Variants in DOP1B observed in about 807,000 individuals in gnomAD.
DOP1B encodes the protein DOP1 leucine zipper like protein B.
A neutral mutation model predicts 233.5 loss-of-function variants in DOP1B; 174 were observed. The observed-to-expected ratio is 0.75, with a 90% CI of 0.66 to 0.85. The LOEUF is 0.85. Among genes scored for constraint, DOP1B ranks in the 40% least tolerant of loss-of-function variants. The pLI is 0.00. For synonymous variants in DOP1B, 1,190 were observed against 1,185.6 expected, an observed-to-expected ratio of 1.00 and a Z score of -0.08; for missense variants, 2,652 against 2,846.6, an observed-to-expected ratio of 0.93 and a Z score of 1.56.
Position 36,164,853 on chromosome 21 carries a change from A to G in DOP1B, c.120A>G (p.Ser40=). 1 of 1,610,418 alleles carries G rather than the reference A, an allele frequency of 6.2e-7. No homozygotes were observed. The highest frequency in any genetic ancestry group is 8.5e-7 in the Non-Finnish European group (1 of 1,178,464). ...SSSEWADLIS[S]LGKLNKALQS... is the part of the protein sequence containing the mutation. Reference sequence around the variant, plus strand: ...GTGAATGGGCGGATCTCATATCTTCACTTGGCAAACTCAACAAGGTATGTA... The same window carrying G: ...GTGAATGGGCGGATCTCATATCTTCGCTTGGCAAACTCAACAAGGTATGTA... The change falls in exon 2 of 37, where the codon TCA becomes TCG. Residue 40 remains serine (S), a synonymous_variant. Transcript: ENST00000691173.
intron 5 of DOP1B, among the ~76,000 whole-genome samples, chr21:36,210,884 A>G (rs1159267997): frequency 6.6e-6 from 1 of 152,202 alleles, no homozygotes; most frequent in African/African-American, 2.4e-5. Flanking sequence ...AGAGCATTCT[A>G]ACCATCTGCT....
intron 26 of DOP1B, among the ~76,000 whole-genome samples, chr21:36,265,583 G>A (rs1569060755): frequency 6.6e-6 from 1 of 152,156 alleles, no homozygotes; most frequent in Non-Finnish European, 1.5e-5. Flanking sequence ...GCCTGTAGCA[G>A]GCCCCTCTGT....
At chr21:36,282,637 A>C (rs2067430400) in intron 32 of DOP1B, among the ~76,000 whole-genome samples, 1 of 152,054 alleles carries the variant, frequency 6.6e-6, no homozygotes, top group South Asian at 2.1e-4. Flanking sequence ...TTTTTCCTTA[A>C]CAATTTTTTT....
intron 12 of DOP1B, among the ~76,000 whole-genome samples, chr21:36,226,357 G>T (rs780926769): frequency 7.3e-5 from 11 of 151,668 alleles, no homozygotes; most frequent in Non-Finnish European, 1.5e-4. Flanking sequence ...GAGTGCAATG[G>T]TGTGATCTCG....
chr21:36,165,856 A>G (rs1452805872), intron 2 of DOP1B, among the ~76,000 whole-genome samples: 1 of 151,358 alleles, frequency 6.6e-6, no homozygotes, highest in African/African-American at 2.4e-5. Flanking sequence ...AGTTGGGATT[A>G]CAGGCACGTG....
rs3029062 is a variant in DOP1B, at chr21:36,267,625, CT to C, written c.5488-2370del. Among the ~76,000 whole-genome samples, 815 of 116,912 alleles carry C rather than the reference CT, an allele frequency of 7.0e-3. 15 individuals are homozygous for C. Among genetic ancestry groups the C allele is most frequent in the African/African-American group, 0.023 (661 of 28,890 alleles). 76.7% of individuals were successfully genotyped at this position (116,912 alleles called of 152,430 possible). ...CCAGGAGGTCGAGGCTGCAGTGAGA[CT>C]TTTTTTTTTTTTTTTTTGAGATGGA... On this transcript the variant is annotated intron_variant, in intron 26 of 36. Coordinates refer to ENST00000691173, the MANE Select transcript of DOP1B (RefSeq NM_001320714.2).
chr21:36,257,472 A>T (rs543492031), intron 23 of DOP1B, among the ~76,000 whole-genome samples: 1 of 152,216 alleles, frequency 6.6e-6, no homozygotes, highest in South Asian at 2.1e-4. Context: ...CCTCTCCAGA[A>T]TGAGGGTCTT....
At chr21:36,280,392 A>T in intron 31 of DOP1B, 46 bp downstream of exon 31, 3 of 1,374,398 alleles carry the variant, frequency 2.2e-6, no homozygotes, top group Non-Finnish European at 3.1e-6. Flanking sequence ...GATAGGATCA[A>T]TGCCAATATA....
intron 2 of DOP1B, among the ~76,000 whole-genome samples, chr21:36,187,228 T>TA (rs2066175320): frequency 1.8e-5 from 2 of 112,932 alleles, no homozygotes; most frequent in South Asian, 6.0e-4. Context: ...TCCCCTCCCT[T>TA]CCCGGGGGAG....
chr21:36,161,923 G>A (rs757269037), intron 1 of DOP1B, among the ~76,000 whole-genome samples: 3 of 152,264 alleles, frequency 2.0e-5, no homozygotes, highest in South Asian at 2.1e-4. Flanking sequence ...TCCAAGTTGC[G>A]GCGTATCAGT....
At chr21:36,247,461 C>T (rs2066980609) in intron 19 of DOP1B, 56 bp from the exon 20 acceptor site, 1 of 1,318,874 alleles carries the variant, frequency 7.6e-7, no homozygotes, top group Non-Finnish European at 1.1e-6. Context: ...ATTAGAAACC[C>T]TTATGGCCTC....
intron 2 of DOP1B, chr21:36,169,889 C>T: frequency 1.3e-6 from 1 of 795,468 alleles, no homozygotes; most frequent in Non-Finnish European, 2.3e-6. Context: ...GTCCGGAGGC[C>T]TCAAGGGGTT....
intron 2 of DOP1B, among the ~76,000 whole-genome samples, chr21:36,188,408 A>C: frequency 6.6e-6 from 1 of 152,212 alleles, no homozygotes; most frequent in East Asian, 1.9e-4. Context: ...CTGGCAAAGC[A>C]ACCGGGTCAT....
intron 2 of DOP1B, among the ~76,000 whole-genome samples, chr21:36,192,932 C>T (rs1048310616): frequency 2.0e-5 from 3 of 151,546 alleles, no homozygotes; most frequent in Admixed American, 1.3e-4. Flanking sequence ...CTCTGATCTG[C>T]CCACCTTGGC....
intron 23 of DOP1B, 55 bp downstream of exon 23, chr21:36,253,964 C>A: frequency 6.3e-7 from 1 of 1,582,630 alleles, no homozygotes; most frequent in South Asian, 1.1e-5. Flanking sequence ...TGGCATTTGT[C>A]ATAACTCTAC....
In DOP1B at chr21:36,238,874, G is replaced by A. The variant is rs184252266; in HGVS notation, c.2876+173G>A. On this transcript the variant is annotated intron_variant, in intron 17 of 36. Transcript: ENST00000691173. ...TCCCAGCCCTTTGGGAAGCCGAGGC[G>A]GGCAGATCACTTGAGGCCTGGAGTT... Among the ~76,000 whole-genome samples the A allele has an allele frequency of 2.0e-3, 298 of 152,280 alleles. 1 individual carries two copies. Among genetic ancestry groups the A allele is most frequent in the African/African-American group, 6.6e-3 (275 of 41,558 alleles).
chr21:36,217,736 T>C (rs1404401631), intron 9 of DOP1B, among the ~76,000 whole-genome samples: 1 of 152,232 alleles, frequency 6.6e-6, no homozygotes, highest in Non-Finnish European at 1.5e-5. Context: ...TTAAACCAAA[T>C]AGATTTTCCT....
chr21:36,288,651 A>G, intron 33 of DOP1B, 105 bp from the exon 34 acceptor site: 1 of 815,512 alleles, frequency 1.2e-6, no homozygotes, highest in Non-Finnish European at 2.0e-6. Context: ...ACCCCGTCTT[A>G]TTCATTCATT....
chr21:36,210,385 C>T (rs1007144080), intron 5 of DOP1B, among the ~76,000 whole-genome samples: 1 of 152,022 alleles, frequency 6.6e-6, no homozygotes, highest in African/African-American at 2.4e-5. Flanking sequence ...TGGCTCATGC[C>T]TGTAATCTCA....
Sources: gnomAD v4.1 joint callset for allele counts (sites outside exome capture counted in the v4.1 genomes callset) on GRCh38, gnomAD v4.1.1 for gene constraint, MANE v1.5 for transcripts, NCBI Gene and HGNC (gene_info 2026-07-23, HGNC 2026-07-21) for gene names.